FRMD4A: variants seen among roughly 807,000 people sequenced by gnomAD.
FRMD4A encodes FERM domain containing 4A.
FRMD4A carries 29 observed loss-of-function variants against 129.1 expected under a neutral mutation model. That is an observed-to-expected ratio of 0.22 (90% CI 0.17 to 0.31). The LOEUF (loss-of-function observed/expected upper bound fraction) is 0.31, where lower values mean the gene tolerates loss of function less well. Among genes scored for constraint, FRMD4A ranks in the 10% least tolerant of loss-of-function variants. The pLI is 1.00. For synonymous variants in FRMD4A, 634 were observed against 571.6 expected, an observed-to-expected ratio of 1.11 and a Z score of -1.56; for missense variants, 1,272 against 1,375.8, an observed-to-expected ratio of 0.92 and a Z score of 1.19.
intron 3 of FRMD4A, among the ~76,000 whole-genome samples, chr10:13,819,925 T>G (rs2093604527): frequency 6.6e-6 from 1 of 152,186 alleles, no homozygotes; most frequent in Admixed American, 6.5e-5. Flanking sequence ...CGTTTCAACA[T>G]GTTGGCCAGG....
chr10:13,714,032 A>T (rs1469798229), intron 12 of FRMD4A, among the ~76,000 whole-genome samples: 1 of 33,258 alleles, frequency 3.0e-5, no homozygotes, highest in African/African-American at 1.3e-4. Context: ...ATATACATAT[A>T]TATATATATA....
At chr10:13,798,845 T>C (rs936507027) in intron 4 of FRMD4A, among the ~76,000 whole-genome samples, 3 of 152,244 alleles carry the variant, frequency 2.0e-5, no homozygotes, top group Non-Finnish European at 2.9e-5. Context: ...TGGGTGCCAA[T>C]GTCATCTCTG....
At chr10:13,737,662 A>T (rs61613181) in intron 12 of FRMD4A, among the ~76,000 whole-genome samples, 182 bp downstream of exon 12, 6,091 of 152,134 alleles carry the variant, frequency 0.04, 282 homozygotes, top group South Asian at 0.11. Context: ...GAGAAAAAAA[A>T]GAAAAAATAT....
intron 2 of FRMD4A, among the ~76,000 whole-genome samples, chr10:13,953,873 A>G (rs2095390912): frequency 2.0e-5 from 3 of 152,244 alleles, no homozygotes; most frequent in Admixed American, 2.0e-4. Flanking sequence ...GGATAAGGGT[A>G]GACAACTGCA....
intron 2 of FRMD4A, among the ~76,000 whole-genome samples, chr10:14,296,088 CG>C (rs1363798006): frequency 6.6e-6 from 1 of 150,530 alleles, no homozygotes; most frequent in Non-Finnish European, 1.5e-5. Context: ...CGCCTGGCGA[CG>C]GGGGGTCTCT....
chr10:13,861,139 G>A (rs909430104), intron 2 of FRMD4A, among the ~76,000 whole-genome samples: 9 of 152,168 alleles, frequency 5.9e-5, no homozygotes, highest in South Asian at 2.1e-4. Flanking sequence ...TGCGTCCTTC[G>A]TGACCCTCTC....
intron 20 of FRMD4A, among the ~76,000 whole-genome samples, chr10:13,660,026 C>T (rs373729446): frequency 6.6e-6 from 1 of 152,324 alleles, no homozygotes; most frequent in South Asian, 2.1e-4. Flanking sequence ...TTCAGAATAG[C>T]GCTGCCTGAG....
At chr10:13,663,564 C>T (rs1263251334) in intron 18 of FRMD4A, 55 bp from the exon 19 acceptor site, 1 of 901,490 alleles carries the variant, frequency 1.1e-6, no homozygotes, top group African/African-American at 1.6e-5. Flanking sequence ...TCAGCAAAGC[C>T]CTATCTGTAA....
At chr10:14,298,413 A>G (rs546258340) in intron 2 of FRMD4A, among the ~76,000 whole-genome samples, 51 of 152,286 alleles carry the variant, frequency 3.3e-4, no homozygotes, top group African/African-American at 1.1e-3. Flanking sequence ...AAACAATGCA[A>G]CTGGCCCTCA....
At chr10:13,951,929 T>TAATAATAATAGTAAA (rs1554984653) in intron 2 of FRMD4A, among the ~76,000 whole-genome samples, 1 of 145,966 alleles carries the variant, frequency 6.9e-6, no homozygotes, top group Non-Finnish European at 1.5e-5. Context: ...ATAATAATAA[T>TAATAATAATAGTAAA]AAACAATCTA....
At chr10:13,990,686 C>T (rs2095600165) in intron 2 of FRMD4A, among the ~76,000 whole-genome samples, 1 of 152,186 alleles carries the variant, frequency 6.6e-6, no homozygotes, top group Admixed American at 6.5e-5. Context: ...CCCCAGCAGG[C>T]TGGCGAGGCT....
intron 2 of FRMD4A, among the ~76,000 whole-genome samples, chr10:13,919,186 A>G (rs916610301): frequency 6.6e-6 from 1 of 152,242 alleles, no homozygotes; most frequent in African/African-American, 2.4e-5. Flanking sequence ...GTCTCTTAGC[A>G]GAAAAGGTTA....
chr10:13,736,351 G>A (rs189481181), intron 12 of FRMD4A, among the ~76,000 whole-genome samples: 140 of 152,210 alleles, frequency 9.2e-4, no homozygotes, highest in African/African-American at 3.1e-3. Context: ...AGCCAGAAAA[G>A]GTAAGAACAG....
Position 14,330,868 on chromosome 10 carries a change from C to T in FRMD4A, c.-353G>A, listed in dbSNP as rs1843490691. The T allele has an allele frequency of 2.5e-6, 1 of 398,708 alleles. No homozygotes were observed. Among genetic ancestry groups the T allele is most frequent in the Non-Finnish European group, 4.4e-6 (1 of 226,138 alleles). 24.7% of individuals were successfully genotyped at this position (398,708 alleles called of 1,614,324 possible). A position where few individuals can be genotyped will look rare whatever the true frequency, so the allele number is the denominator to read the frequency against. ...TAAGAGGAACATGGAATTGCACTGC[C>T]TGTTCTGTGAGCGTTCTGATCTCCC... On this transcript the variant is annotated 5_prime_UTR_variant, in exon 1 of 25. Coordinates refer to ENST00000357447, the MANE Select transcript of FRMD4A (RefSeq NM_018027.5).
intron 2 of FRMD4A, among the ~76,000 whole-genome samples, chr10:14,273,187 G>A (rs1845224029): frequency 1.3e-5 from 2 of 152,218 alleles, no homozygotes; most frequent in East Asian, 3.9e-4. Flanking sequence ...AGCTTGGGAG[G>A]TGGAGGTTGC....
At chr10:13,784,852 G>C (rs1395160357) in intron 5 of FRMD4A, among the ~76,000 whole-genome samples, 1 of 152,084 alleles carries the variant, frequency 6.6e-6, no homozygotes, top group Admixed American at 6.5e-5. Context: ...TTAGCCAGGG[G>C]TGGGTGTGGG....
intron 2 of FRMD4A, among the ~76,000 whole-genome samples, chr10:13,967,741 G>A (rs1312838468): frequency 2.0e-5 from 3 of 152,124 alleles, no homozygotes; most frequent in Non-Finnish European, 4.4e-5. Context: ...CAGAAATCAC[G>A]TGTTAAGAAT....
chr10:13,721,006 G>C (rs192341132), intron 12 of FRMD4A, among the ~76,000 whole-genome samples: 1 of 152,298 alleles, frequency 6.6e-6, no homozygotes, highest in Non-Finnish European at 1.5e-5. Context: ...TCCATTTCTA[G>C]GAAATGTCCA....
intron 2 of FRMD4A, among the ~76,000 whole-genome samples, chr10:14,178,724 C>T (rs938793812): frequency 8.5e-5 from 13 of 152,058 alleles, no homozygotes; most frequent in African/African-American, 3.1e-4. Flanking sequence ...TCACAGATTT[C>T]TTTGGATTAG....
Sources: gnomAD v4.1 joint callset for allele counts (sites outside exome capture counted in the v4.1 genomes callset) on GRCh38, gnomAD v4.1.1 for gene constraint, MANE v1.5 for transcripts, NCBI Gene and HGNC (gene_info 2026-07-23, HGNC 2026-07-21) for gene names.